The following PLCE1 variants were observed in gnomAD, a reference collection of about 807,000 sequenced individuals.
The protein encoded by PLCE1 is phospholipase C epsilon 1.
In PLCE1, 119 loss-of-function variants were observed where a neutral mutation model predicts 242.8. The ratio of observed to expected loss-of-function variants is 0.49; its 90% confidence interval spans 0.42 to 0.57. The LOEUF is 0.57. PLCE1 is among the 20% of genes least tolerant of loss of function. The probability of loss-of-function intolerance (pLI) is 0.00; values close to 1 mark genes in which losing one functional copy is unlikely to be tolerated. For missense variants in PLCE1, 2,441 were observed against 2,788.8 expected, an observed-to-expected ratio of 0.88 and a Z score of 2.81; for synonymous variants, 945 against 1,017.4, an observed-to-expected ratio of 0.93 and a Z score of 1.35.
At position 94,031,911 on chromosome 10, in the gene PLCE1, G is replaced by A. The variant is rs781597048; in HGVS notation, c.865G>A (p.Asp289Asn). ...GDSFCRKDFT[D>N]SQAAKTFLSH... ...TAGCTTTTGTAGGAAAGACTTTACT[G>A]ACAGTCAAGCTGCCAAGACCTTTTT... is the stretch of plus-strand genomic sequence containing the variant. The change falls in exon 2 of 33, where the codon GAC (aspartate) becomes AAC (asparagine). Residue 289 changes from aspartate to asparagine, a missense_variant. Coordinates refer to ENST00000371380, the MANE Select transcript of PLCE1 (RefSeq NM_016341.4). 6.2e-7 allele frequency: 1 copy of A among 1,613,882 alleles called. No individual in the cohort carries two copies. The highest frequency in any genetic ancestry group is 8.5e-7 in the Non-Finnish European group (1 of 1,179,864).
At chr10:94,263,240 G>T (rs1281814949) in intron 14 of PLCE1, among the ~76,000 whole-genome samples, 1 of 152,094 alleles carries the variant, frequency 6.6e-6, no homozygotes, top group African/African-American at 2.4e-5. Flanking sequence ...TGGGCTGGGT[G>T]TGGTGGTTCA....
intron 2 of PLCE1, among the ~76,000 whole-genome samples, chr10:94,129,721 G>C (rs951636650): frequency 1.3e-5 from 2 of 152,118 alleles, no homozygotes; most frequent in East Asian, 1.9e-4. Flanking sequence ...AACCATTTTA[G>C]CATTATTCCT....
rs1187003174 is a variant in PLCE1, at chr10:93,994,269, G to C, written c.-365+11G>C. On this transcript the variant is annotated intron_variant, in intron 1 of 32. Transcript: ENST00000371380. ...GCCAGGAGCCAAGAGGTGAGGAAGCGACTCTGTAGCTCGGTTCCTGAGGAC... is the reference window on the plus strand; with the variant it reads ...GCCAGGAGCCAAGAGGTGAGGAAGCCACTCTGTAGCTCGGTTCCTGAGGAC... Among the ~76,000 whole-genome samples the C allele has an allele frequency of 6.6e-6, 1 of 152,360 alleles. No individual in the cohort carries two copies. The highest frequency in any genetic ancestry group is 1.9e-4 in the East Asian group (1 of 5,168).
chr10:94,021,188 A>G (rs1353195276), intron 1 of PLCE1, among the ~76,000 whole-genome samples: 5 of 150,288 alleles, frequency 3.3e-5, no homozygotes, highest in Non-Finnish European at 5.9e-5. Flanking sequence ...TGTACTGTGA[A>G]TATTTTCTCC....
At chr10:94,224,617 T>G (rs1564804423) in intron 4 of PLCE1, among the ~76,000 whole-genome samples, 1 of 152,200 alleles carries the variant, frequency 6.6e-6, no homozygotes, top group South Asian at 2.1e-4. Flanking sequence ...TTGTGAGAAG[T>G]GTTTGAATTT....
intron 9 of PLCE1, among the ~76,000 whole-genome samples, chr10:94,252,889 T>C (rs1312832381): frequency 1.3e-5 from 2 of 151,838 alleles, no homozygotes; most frequent in African/African-American, 2.4e-5. Context: ...TAGGAGAAAG[T>C]ATCCCCAGCA....
intron 28 of PLCE1, among the ~76,000 whole-genome samples, chr10:94,313,995 A>C (rs1376644039): frequency 6.6e-6 from 1 of 151,990 alleles, no homozygotes; most frequent in Non-Finnish European, 1.5e-5. Flanking sequence ...AGACCCTGAG[A>C]CCTGTTACCC....
intron 3 of PLCE1, among the ~76,000 whole-genome samples, chr10:94,136,016 T>A (rs1049843120): frequency 2.6e-5 from 4 of 152,192 alleles, no homozygotes; most frequent in African/African-American, 9.7e-5. Context: ...GCACAAGATT[T>A]AAATTTTTCC....
chr10:94,042,553 C>T (rs1473405516), intron 2 of PLCE1, among the ~76,000 whole-genome samples: 1 of 152,156 alleles, frequency 6.6e-6, no homozygotes, highest in African/African-American at 2.4e-5. Flanking sequence ...ATTCTGTTCT[C>T]TTATTAAATG....
intron 1 of PLCE1, among the ~76,000 whole-genome samples, chr10:94,013,927 T>C (rs1054435096): frequency 5.3e-5 from 8 of 152,250 alleles, no homozygotes; most frequent in African/African-American, 1.9e-4. Context: ...TGGGCTCCTC[T>C]CTTCCCTCTG....
chr10:94,280,079 G>A, intron 20 of PLCE1, 168 bp downstream of exon 20: 1 of 705,778 alleles, frequency 1.4e-6, no homozygotes. Flanking sequence ...AGGAAGGAGG[G>A]GATTCTGTTA....
intron 27 of PLCE1, among the ~76,000 whole-genome samples, chr10:94,312,920 C>G (rs545450517): frequency 6.6e-6 from 1 of 152,246 alleles, no homozygotes; most frequent in African/African-American, 2.4e-5. Context: ...AATTTCTAGC[C>G]CAGTACCCTG....
At chr10:94,312,811 T>C (rs929660605) in intron 27 of PLCE1, among the ~76,000 whole-genome samples, 2 of 152,232 alleles carry the variant, frequency 1.3e-5, no homozygotes, top group Admixed American at 1.3e-4. Context: ...GTTACACACT[T>C]ACCGACCTCT....
At chr10:94,290,700 T>C (rs2052615303) in intron 22 of PLCE1, among the ~76,000 whole-genome samples, 2 of 149,296 alleles carry the variant, frequency 1.3e-5, no homozygotes, top group Non-Finnish European at 3.0e-5. Context: ...TAAAAAAAAG[T>C]ATATATATAT....
chr10:94,325,002 C>G lies in PLCE1; in HGVS notation c.6831C>G (p.Thr2277=), dbSNP rs2133915187. The change falls in exon 32 of 33, where the codon ACC becomes ACG. Residue 2277 remains threonine, a synonymous_variant. Transcript: ENST00000371380. ...TTACATCACCTTCTCAGCTCTTGACCTCAGAAAGTATCCAAACCAAGGAGG... is the reference window on the plus strand; with the variant it reads ...TTACATCACCTTCTCAGCTCTTGACGTCAGAAAGTATCCAAACCAAGGAGG... ...RGLTSPSQLL[T]SESIQTKEEK... 1.2e-6 allele frequency: 2 copies of G among 1,614,156 alleles called. No individual in the cohort carries two copies. The highest frequency in any genetic ancestry group is 4.5e-5 in the East Asian group (2 of 44,874).
At chr10:94,087,089 T>G (rs1301835981) in intron 2 of PLCE1, among the ~76,000 whole-genome samples, 1 of 152,150 alleles carries the variant, frequency 6.6e-6, no homozygotes, top group Non-Finnish European at 1.5e-5. Flanking sequence ...GGCTCATGCC[T>G]GTAATCCCAG....
At chr10:94,079,313 A>G (rs982073125) in intron 2 of PLCE1, among the ~76,000 whole-genome samples, 7 of 152,232 alleles carry the variant, frequency 4.6e-5, no homozygotes, top group Non-Finnish European at 7.3e-5. Flanking sequence ...GAAAACATTA[A>G]TGTCCTCTCT....
At chr10:94,186,628 G>A (rs1164642282) in intron 4 of PLCE1, among the ~76,000 whole-genome samples, 3 of 152,176 alleles carry the variant, frequency 2.0e-5, no homozygotes, top group South Asian at 4.1e-4. Flanking sequence ...TGTCACTAGA[G>A]ACTATTCATC....
intron 2 of PLCE1, among the ~76,000 whole-genome samples, chr10:94,114,583 C>T (rs1034417372): frequency 7.9e-5 from 12 of 152,224 alleles, no homozygotes; most frequent in Admixed American, 7.8e-4. Context: ...TATACCAAGC[C>T]TCATAGCACC....
Sources: gnomAD v4.1 joint callset for allele counts (sites outside exome capture counted in the v4.1 genomes callset) on GRCh38, gnomAD v4.1.1 for gene constraint, MANE v1.5 for transcripts, NCBI Gene and HGNC (gene_info 2026-07-23, HGNC 2026-07-21) for gene names.